The following KCND2 variants were observed in gnomAD, a reference collection of about 807,000 sequenced individuals.
KCND2 encodes the protein A-type voltage-gated potassium channel KCND2.
In KCND2, 16 loss-of-function variants were observed where a neutral mutation model predicts 54.4. The ratio of observed to expected loss-of-function variants is 0.29; its 90% CI spans 0.20 to 0.45. The LOEUF (loss-of-function observed/expected upper bound fraction) is 0.45, where lower values mean the gene tolerates loss of function less well. Among genes scored for constraint, KCND2 ranks in the 20% least tolerant of loss-of-function variants. The pLI is 1.00. For missense variants in KCND2, 486 were observed against 824.2 expected (o/e 0.59, Z 5.02); for synonymous variants, 317 against 310.7 (o/e 1.02, Z -0.21).
intron 1 of KCND2, among the ~76,000 whole-genome samples, chr7:120,494,912 A>G (rs1369313068): frequency 6.6e-6 from 1 of 152,162 alleles, no homozygotes; most frequent in Non-Finnish European, 1.5e-5. Flanking sequence ...TTGACCCATA[A>G]TTGTGATTGT....
intron 1 of KCND2, among the ~76,000 whole-genome samples, chr7:120,577,620 TTGTCACCCA>T (rs1792453572): frequency 6.6e-6 from 1 of 152,062 alleles, no homozygotes; most frequent in African/African-American, 2.4e-5. Flanking sequence ...GAGTCTCGCT[TTGTCACCCA>T]GGCTGGAGTG....
chr7:120,330,521 CA>C (rs1800050403), intron 1 of KCND2, among the ~76,000 whole-genome samples: 3 of 122,314 alleles, frequency 2.5e-5, no homozygotes, highest in Non-Finnish European at 4.8e-5. Context: ...GTGGAGGTTT[CA>C]GTGAGCTGAG....
At chr7:120,645,053 A>C (rs910272795) in intron 1 of KCND2, among the ~76,000 whole-genome samples, 4 of 152,134 alleles carry the variant, frequency 2.6e-5, no homozygotes, top group African/African-American at 9.7e-5. Context: ...ATATGTATTC[A>C]GACAGCATGT....
At chr7:120,362,805 T>G (rs1211908806) in intron 1 of KCND2, among the ~76,000 whole-genome samples, 1 of 152,062 alleles carries the variant, frequency 6.6e-6, no homozygotes, top group Non-Finnish European at 1.5e-5. Context: ...ATGAAATATA[T>G]TTTATCTTTG....
intron 1 of KCND2, among the ~76,000 whole-genome samples, chr7:120,669,581 C>T (rs563413309): frequency 4.7e-4 from 72 of 152,200 alleles, no homozygotes; most frequent in Non-Finnish European, 8.5e-4. Context: ...AGGCTGTCTA[C>T]AATTGCTGTC....
At chr7:120,553,499 G>C (rs1216130367) in intron 1 of KCND2, among the ~76,000 whole-genome samples, 1 of 152,084 alleles carries the variant, frequency 6.6e-6, no homozygotes, top group East Asian at 1.9e-4. Flanking sequence ...GCACCACTTT[G>C]TTTTTACAAC....
At chr7:120,421,475 A>G (rs1331259594) in intron 1 of KCND2, among the ~76,000 whole-genome samples, 1 of 152,236 alleles carries the variant, frequency 6.6e-6, no homozygotes, top group Non-Finnish European at 1.5e-5. Flanking sequence ...GGAAACATGA[A>G]CACATTCATT....
At chr7:120,679,303 T>A (rs1792111094) in intron 1 of KCND2, among the ~76,000 whole-genome samples, 1 of 151,972 alleles carries the variant, frequency 6.6e-6, no homozygotes, top group African/African-American at 2.4e-5. Context: ...AAAGCTATCA[T>A]TTTTAGGCTT....
At chr7:120,675,031 CT>C (rs1036383279) in intron 1 of KCND2, among the ~76,000 whole-genome samples, 3 of 147,354 alleles carry the variant, frequency 2.0e-5, no homozygotes, top group African/African-American at 7.6e-5. Context: ...AAAAAAAAAA[CT>C]TTTTCTACCT....
At chr7:120,453,744 T>A (rs1802153380) in intron 1 of KCND2, among the ~76,000 whole-genome samples, 1 of 152,124 alleles carries the variant, frequency 6.6e-6, no homozygotes, top group African/African-American at 2.4e-5. Context: ...CGGACACAGC[T>A]AAAGCAATGT....
intron 1 of KCND2, among the ~76,000 whole-genome samples, chr7:120,688,560 A>G (rs1416526863): frequency 1.3e-5 from 2 of 152,160 alleles, no homozygotes; most frequent in African/African-American, 4.8e-5. Context: ...TCGCACAGAT[A>G]ATTTGTTGTC....
chr7:120,513,371 A>G (rs1407575596), intron 1 of KCND2, among the ~76,000 whole-genome samples: 2 of 152,150 alleles, frequency 1.3e-5, no homozygotes, highest in Non-Finnish European at 2.9e-5. Flanking sequence ...CAAGGAAATA[A>G]TGTGTTTTTG....
At chr7:120,509,725 T>C (rs897140504) in intron 1 of KCND2, among the ~76,000 whole-genome samples, 1 of 152,154 alleles carries the variant, frequency 6.6e-6, no homozygotes, top group African/African-American at 2.4e-5. Context: ...TCAATGCAAC[T>C]GAAACAGAGT....
At chr7:120,433,939 C>G (rs531685764) in intron 1 of KCND2, among the ~76,000 whole-genome samples, 1 of 152,008 alleles carries the variant, frequency 6.6e-6, no homozygotes, top group Non-Finnish European at 1.5e-5. Flanking sequence ...CACTCACTAC[C>G]GAGGGAATAG....
At chr7:120,341,352 A>T (rs1488992233) in intron 1 of KCND2, among the ~76,000 whole-genome samples, 1 of 152,182 alleles carries the variant, frequency 6.6e-6, no homozygotes, top group Non-Finnish European at 1.5e-5. Context: ...GATCATTAAG[A>T]CCTGTGTGTT....
chr7:120,329,392 C>T (rs1249714011), intron 1 of KCND2, among the ~76,000 whole-genome samples: 3 of 151,656 alleles, frequency 2.0e-5, no homozygotes, highest in African/African-American at 7.3e-5. Context: ...CAATATGTAG[C>T]TTAGTATTTT....
At chr7:120,415,082 T>C (rs559672586) in intron 1 of KCND2, among the ~76,000 whole-genome samples, 45 of 152,298 alleles carry the variant, frequency 3.0e-4, no homozygotes, top group African/African-American at 9.9e-4. Flanking sequence ...ACAATAACAA[T>C]GTACATTAAA....
chr7:120,631,561 A>G (rs1488481325), intron 1 of KCND2, among the ~76,000 whole-genome samples: 1 of 152,120 alleles, frequency 6.6e-6, no homozygotes, highest in Non-Finnish European at 1.5e-5. Context: ...ATAAAATTGC[A>G]TATTCTACTT....
intron 1 of KCND2, among the ~76,000 whole-genome samples, chr7:120,482,678 C>T (rs188514042): frequency 1.6e-4 from 24 of 152,220 alleles, no homozygotes; most frequent in African/African-American, 4.8e-4. Context: ...TCTCACCTTC[C>T]ACCACAGGAT....
Sources: gnomAD v4.1 joint callset for allele counts (sites outside exome capture counted in the v4.1 genomes callset) on GRCh38, gnomAD v4.1.1 for gene constraint, MANE v1.5 for transcripts, NCBI Gene and HGNC (gene_info 2026-07-23, HGNC 2026-07-21) for gene names.